Variants in VIRMA observed in about 807,000 individuals in gnomAD.
VIRMA encodes protein virilizer homolog.
In VIRMA, 65 loss-of-function variants were observed where a neutral mutation model predicts 182.4. The observed-to-expected ratio is 0.36, with a 90% CI of 0.29 to 0.44. VIRMA has a LOEUF of 0.44. Among genes scored for constraint, VIRMA ranks in the 20% least tolerant of loss-of-function variants. The pLI is 1.00. For synonymous variants in VIRMA, 709 were observed against 743.1 expected, an observed-to-expected ratio of 0.95 and a Z score of 0.75; for missense variants, 1,752 against 2,158.1, an observed-to-expected ratio of 0.81 and a Z score of 3.73.
chr8:94,519,597 C>A, intron 8 of VIRMA, 121 bp from the exon 9 acceptor site: 1 of 939,146 alleles, frequency 1.1e-6, no homozygotes, highest in South Asian at 2.5e-5. Context: ...CAGTAATATA[C>A]TGCTTTAACT....
At chr8:94,526,043 A>G (rs1258774333) in intron 8 of VIRMA, among the ~76,000 whole-genome samples, 180 bp downstream of exon 8, 1 of 152,212 alleles carries the variant, frequency 6.6e-6, no homozygotes, top group East Asian at 1.9e-4. Flanking sequence ...AACTAACACA[A>G]TATAAGCTCA....
chr8:94,545,644 A>G (rs1347921507), intron 1 of VIRMA, among the ~76,000 whole-genome samples: 1 of 152,230 alleles, frequency 6.6e-6, no homozygotes, highest in African/African-American at 2.4e-5. Flanking sequence ...GCCATGATAC[A>G]GACTCACAAA....
At chr8:94,509,291 C>G (rs1814269913) in intron 15 of VIRMA, among the ~76,000 whole-genome samples, 1 of 151,874 alleles carries the variant, frequency 6.6e-6, no homozygotes, top group South Asian at 2.1e-4. Context: ...ATCCCAGCTA[C>G]TCAGGAGGCT....
intron 17 of VIRMA, chr8:94,497,134 A>G (rs1025341735): frequency 6.6e-6 from 1 of 152,198 alleles, no homozygotes; most frequent in Non-Finnish European, 1.5e-5. Context: ...GGGTCTCGCT[A>G]TGTCACCTAG....
chr8:94,504,793 G>C (rs920668062), intron 16 of VIRMA, among the ~76,000 whole-genome samples: 3 of 152,132 alleles, frequency 2.0e-5, no homozygotes, highest in East Asian at 1.9e-4. Context: ...CCATTAGATA[G>C]TCAAGTAGAA....
chr8:94,518,472 A>C (rs1401141782), intron 9 of VIRMA, among the ~76,000 whole-genome samples: 3 of 152,200 alleles, frequency 2.0e-5, no homozygotes, highest in Non-Finnish European at 2.9e-5. Flanking sequence ...TCTGGATGCC[A>C]TTTGCCTTGT....
intron 5 of VIRMA, 62 bp downstream of exon 5, chr8:94,534,775 TTA>T (rs1586103728): frequency 8.4e-6 from 13 of 1,547,164 alleles, no homozygotes; most frequent in Admixed American, 5.8e-5. Context: ...GCTCTTCGAA[TTA>T]TTTTTTTTTT....
At chr8:94,492,991 A>C (rs749917786) in intron 20 of VIRMA, among the ~76,000 whole-genome samples, 173 bp from the exon 21 acceptor site, 8 of 152,070 alleles carry the variant, frequency 5.3e-5, no homozygotes, top group African/African-American at 9.7e-5. Flanking sequence ...TTTAAAAACA[A>C]ACACACACAC....
At chr8:94,507,899 A>G (rs1352818847) in intron 15 of VIRMA, among the ~76,000 whole-genome samples, 1 of 148,954 alleles carries the variant, frequency 6.7e-6, no homozygotes, top group Non-Finnish European at 1.5e-5. Flanking sequence ...ATATGTATAT[A>G]TATGTATATA....
intron 16 of VIRMA, among the ~76,000 whole-genome samples, chr8:94,506,064 T>C (rs879571254): frequency 6.6e-6 from 1 of 152,240 alleles, no homozygotes; most frequent in Non-Finnish European, 1.5e-5. Context: ...CCGTTTTATA[T>C]AATGGACTTG....
At chr8:94,519,803 G>A (rs1334062244) in intron 8 of VIRMA, among the ~76,000 whole-genome samples, 1 of 152,098 alleles carries the variant, frequency 6.6e-6, no homozygotes, top group East Asian at 1.9e-4. Context: ...CTTTATTCAT[G>A]GCATATTGGT....
At chr8:94,515,738 T>C (rs1181504275) in intron 10 of VIRMA, among the ~76,000 whole-genome samples, 1 of 152,148 alleles carries the variant, frequency 6.6e-6, no homozygotes, top group Non-Finnish European at 1.5e-5. Flanking sequence ...CAAATTTAGA[T>C]GTTTACATGC....
intron 11 of VIRMA, 28 bp downstream of exon 11, chr8:94,514,841 T>C: frequency 1.6e-6 from 2 of 1,239,802 alleles, no homozygotes; most frequent in Non-Finnish European, 2.3e-6. Flanking sequence ...TTTCAAAAAG[T>C]CAAAGCACTT....
In VIRMA at chr8:94,527,114, C is replaced by T. The variant is rs981138659; in HGVS notation, c.1130G>A (p.Gly377Glu). 6.2e-7 allele frequency: 1 copy of T among 1,613,968 alleles called. No individual in the cohort carries two copies. The highest frequency in any genetic ancestry group is 1.3e-5 in the African/African-American group (1 of 74,890). Residue 377 changes from glycine to glutamate, a missense_variant, in exon 8 of 24, where the codon GGG becomes GAG. By Grantham distance (98) the Gly-to-Glu change is moderately conservative. Around this residue, in one of 11 missense-constraint regions of VIRMA, gnomAD observed 401 missense variants for 455.1 expected, o/e 0.88. Transcript: ENST00000297591. The part of the protein sequence containing the change: ...KDQGPDKENS[G>E]AIEASVKLTE... Reference sequence around the variant, plus strand: ...TAACTTCACTGAGGCTTCGATTGCCCCTGAATTTTCTTTATCTGGACCTTG... The same window carrying T: ...TAACTTCACTGAGGCTTCGATTGCCTCTGAATTTTCTTTATCTGGACCTTG...
intron 1 of VIRMA, 124 bp downstream of exon 1, chr8:94,553,261 G>T: frequency 1.1e-6 from 1 of 934,538 alleles, no homozygotes; most frequent in Non-Finnish European, 1.7e-6. Flanking sequence ...GGGGGAGGGT[G>T]TCTGTGTGTA....
At chr8:94,499,564 G>C in intron 16 of VIRMA, 58 bp from the exon 17 acceptor site, 1 of 1,191,680 alleles carries the variant, frequency 8.4e-7, no homozygotes, top group Middle Eastern at 2.5e-4. Context: ...ATATAAAACT[G>C]GTATGATAAA....
intron 7 of VIRMA, 147 bp downstream of exon 7, chr8:94,528,923 T>C (rs1350354769): frequency 2.1e-6 from 2 of 947,252 alleles, no homozygotes; most frequent in Non-Finnish European, 1.6e-6. Context: ...ATCTCATTTC[T>C]AGTCATGCCT....
chr8:94,496,380 C>T lies in VIRMA; in HGVS notation c.4331G>A (p.Ser1444Asn). Residue 1444 changes from serine (S) to asparagine (N), a missense_variant, in exon 18 of 24, where the codon AGC becomes AAC. Ser to Asn is a conservative substitution (Grantham distance 46). Coordinates refer to ENST00000297591, the MANE Select transcript of VIRMA (RefSeq NM_015496.5). ...NAAELKQLLQ[S>N]KEESPENLFL... ...CAAATTTTCTGGACTTTCTTCTTTG[C>T]TTTGTAGAAGCTGTTTTAACTCTGC... 1 of 1,613,500 alleles carries T rather than the reference C, an allele frequency of 6.2e-7. No individual in the cohort carries two copies. The highest frequency in any genetic ancestry group is 1.7e-4 in the Middle Eastern group (1 of 6,058).
chr8:94,507,895 A>ATATATATGTATATATGTATATATATG (rs746921505), intron 15 of VIRMA, among the ~76,000 whole-genome samples: 5,683 of 148,664 alleles, frequency 0.038, 127 homozygotes, highest in Non-Finnish European at 0.049. Flanking sequence ...GTATATATGT[A>ATATATATGTATATATGTATATATATG]TATATATGTA....
Sources: allele counts gnomAD v4.1 joint callset (sites outside exome capture counted in the v4.1 genomes callset), GRCh38; gene constraint gnomAD v4.1.1; regional missense constraint gnomAD v4.1.1; transcripts MANE v1.5; gene names NCBI Gene and HGNC (gene_info 2026-07-23, HGNC 2026-07-21).